Variants in RSPO2 observed in about 807,000 individuals in gnomAD.
The protein encoded by RSPO2 is R-spondin-2.
Under a neutral mutation model 30.9 loss-of-function variants are expected in RSPO2, and 14 were observed. The observed-to-expected ratio is 0.45, with a 90% CI of 0.30 to 0.71. RSPO2 has a LOEUF of 0.71. RSPO2 is among the 30% of genes least tolerant of loss of function. The probability of loss-of-function intolerance (pLI) is 0.08; values close to 1 mark genes in which losing one functional copy is unlikely to be tolerated. For synonymous variants in RSPO2, 107 were observed against 96.4 expected, an observed-to-expected ratio of 1.11 and a Z score of -0.64; for missense variants, 264 against 301.9, an observed-to-expected ratio of 0.87 and a Z score of 0.93.
At chr8:108,007,679 T>C (rs1190659913) in intron 2 of RSPO2, among the ~76,000 whole-genome samples, 1 of 152,174 alleles carries the variant, frequency 6.6e-6, no homozygotes. Flanking sequence ...AAACTCTTCA[T>C]TTTTATTCAT....
At chr8:108,014,016 T>C (rs1430321089) in intron 2 of RSPO2, among the ~76,000 whole-genome samples, 1 of 151,796 alleles carries the variant, frequency 6.6e-6, no homozygotes, top group Non-Finnish European at 1.5e-5. Flanking sequence ...AACAACCCCA[T>C]CAAAAAGTGG....
In RSPO2 at chr8:107,944,913, T is replaced by C. The variant is rs540798591; in HGVS notation, c.616+13167A>G. ...AACCAAGGATGAGAGTCCAGATATCTACCTGCCAGGCCTCTCTCCAAACCC... is the reference window on the plus strand; with the variant it reads ...AACCAAGGATGAGAGTCCAGATATCCACCTGCCAGGCCTCTCTCCAAACCC... On this transcript the variant is annotated intron_variant, in intron 5 of 5. Transcript: ENST00000276659. Among the ~76,000 whole-genome samples the C allele has an allele frequency of 7.9e-5, 12 of 152,190 alleles. 1 individual carries two copies. In the East Asian group the frequency reaches 2.3e-3, roughly 30 times the overall value.
intron 5 of RSPO2, among the ~76,000 whole-genome samples, chr8:107,902,120 T>C (rs1811495577): frequency 1.3e-5 from 2 of 152,176 alleles, no homozygotes; most frequent in African/African-American, 4.8e-5. Flanking sequence ...ATCACCTCTT[T>C]GAGTTCTAAA....
intron 5 of RSPO2, among the ~76,000 whole-genome samples, chr8:107,907,819 G>T (rs522197): frequency 0.75 from 114,398 of 152,002 alleles, 43,151 homozygotes; most frequent in East Asian, 0.9. Context: ...TCTGTAAAAA[G>T]TTACCATATT....
intron 3 of RSPO2, among the ~76,000 whole-genome samples, chr8:107,979,706 A>C (rs1412302378): frequency 2.0e-5 from 3 of 151,384 alleles, no homozygotes; most frequent in African/African-American, 7.3e-5. Flanking sequence ...TCTGTGAGTC[A>C]TTGAGGTCTC....
At chr8:108,059,423 C>T (rs1812373595) in intron 2 of RSPO2, among the ~76,000 whole-genome samples, 1 of 151,502 alleles carries the variant, frequency 6.6e-6, no homozygotes, top group Non-Finnish European at 1.5e-5. Context: ...ACTAGTTCAA[C>T]CATTGTGGAA....
intron 2 of RSPO2, among the ~76,000 whole-genome samples, chr8:107,999,281 G>C (rs1482775494): frequency 2.0e-5 from 3 of 152,034 alleles, no homozygotes; most frequent in Admixed American, 6.6e-5. Context: ...TGGGAAAATG[G>C]TATTTCTAAA....
chr8:107,979,647 C>G (rs1483303095), intron 3 of RSPO2, among the ~76,000 whole-genome samples: 1 of 151,778 alleles, frequency 6.6e-6, no homozygotes, highest in Non-Finnish European at 1.5e-5. Flanking sequence ...GCACGTTGTG[C>G]ACATGTACCC....
intron 2 of RSPO2, among the ~76,000 whole-genome samples, chr8:108,082,296 G>C (rs999371094): frequency 6.6e-6 from 1 of 152,244 alleles, no homozygotes; most frequent in Non-Finnish European, 1.5e-5. Context: ...TTAGCCCTGA[G>C]CGCCCGATTG....
intron 2 of RSPO2, among the ~76,000 whole-genome samples, chr8:108,066,672 G>T (rs1812679699): frequency 6.6e-6 from 1 of 152,176 alleles, no homozygotes; most frequent in Non-Finnish European, 1.5e-5. Flanking sequence ...TTACCTGGAA[G>T]AATTGTGTTT....
intron 5 of RSPO2, among the ~76,000 whole-genome samples, chr8:107,945,575 C>T (rs1483964893): frequency 1.3e-5 from 2 of 151,984 alleles, no homozygotes; most frequent in African/African-American, 4.8e-5. Context: ...ATTGTATGCC[C>T]CAATTTTTAT....
chr8:107,930,199 T>C (rs537209678), intron 5 of RSPO2, among the ~76,000 whole-genome samples: 155 of 152,304 alleles, frequency 1.0e-3, no homozygotes, highest in Non-Finnish European at 1.9e-3. Flanking sequence ...GAGGAAACTT[T>C]TGGGTTTGTA....
At chr8:107,965,501 A>T (rs967266797) in intron 3 of RSPO2, among the ~76,000 whole-genome samples, 2 of 152,088 alleles carry the variant, frequency 1.3e-5, no homozygotes, top group African/African-American at 4.8e-5. Flanking sequence ...ACCTAAACCC[A>T]TTCCCTATCC....
At chr8:107,963,522 C>CAAAAAA (rs61697128) in intron 3 of RSPO2, among the ~76,000 whole-genome samples, 1,556 of 32,020 alleles carry the variant, frequency 0.049, 521 homozygotes, top group East Asian at 0.11. Context: ...AGACCTGTCT[C>CAAAAAA]AAAAAAAAAA....
chr8:107,905,654 A>G (rs1422974457), intron 5 of RSPO2, among the ~76,000 whole-genome samples: 7 of 152,080 alleles, frequency 4.6e-5, no homozygotes, highest in Non-Finnish European at 8.8e-5. Flanking sequence ...AAACCTGTGT[A>G]ACCACCAACC....
Position 107,984,017 on chromosome 8 carries a change from C to T in RSPO2, c.283+5039G>A, listed in dbSNP as rs548938222. ...GGAAAAGAGGAAATAATACAGTAAT[C>T]GTTAATCCAGCAAAAAGAAAAGGGA... On this transcript the variant is annotated intron_variant, in intron 3 of 5. Coordinates refer to ENST00000276659, the MANE Select transcript of RSPO2 (RefSeq NM_178565.5). The T allele has an allele frequency of 2.2e-5, 14 of 639,858 alleles. No individual in the cohort carries two copies. The East Asian group carries it at 2.7e-4, about 13-fold the overall frequency. The allele number at this position is 639,858 out of a possible 1,614,324, so 39.6% of individuals were successfully genotyped here.
chr8:108,004,956 C>A (rs1368622414), intron 2 of RSPO2, among the ~76,000 whole-genome samples: 2 of 152,196 alleles, frequency 1.3e-5, no homozygotes, highest in South Asian at 2.1e-4. Context: ...AGATTAGAAT[C>A]CCTTTTAAGC....
At chr8:108,050,246 C>G (rs750956622) in intron 2 of RSPO2, among the ~76,000 whole-genome samples, 3 of 152,072 alleles carry the variant, frequency 2.0e-5, no homozygotes, top group African/African-American at 4.8e-5. Context: ...CTAGAAAAAG[C>G]CTCCCAGTGA....
At chr8:107,991,249 AACACACACACACACACACAC>A (rs60247229) in intron 2 of RSPO2, among the ~76,000 whole-genome samples, 2 of 133,394 alleles carry the variant, frequency 1.5e-5, no homozygotes, top group East Asian at 2.3e-4. Flanking sequence ...CTCCATCTCA[AACACACACACACACACACAC>A]ACACACACAC....
Sources: allele counts gnomAD v4.1 joint callset (sites outside exome capture counted in the v4.1 genomes callset), GRCh38; gene constraint gnomAD v4.1.1; transcripts MANE v1.5; gene names NCBI Gene and HGNC (gene_info 2026-07-23, HGNC 2026-07-21).